The following SLC24A2 variants were observed in gnomAD, a reference collection of about 807,000 sequenced individuals.
SLC24A2 encodes the protein solute carrier family 24 member 2, also known as sodium/potassium/calcium exchanger 2.
In SLC24A2, 36 loss-of-function variants were observed where a neutral mutation model predicts 62.0. The observed-to-expected ratio is 0.58, with a 90% CI of 0.44 to 0.77. The LOEUF (loss-of-function observed/expected upper bound fraction) is 0.77, where lower values mean the gene tolerates loss of function less well. Ranked by LOEUF, SLC24A2 falls within the 30% of genes least tolerant of loss-of-function variation. The probability of loss-of-function intolerance (pLI) is 0.00; values close to 1 mark genes in which losing one functional copy is unlikely to be tolerated. For missense variants in SLC24A2, 846 were observed against 817.9 expected, an observed-to-expected ratio of 1.03 and a Z score of -0.42; for synonymous variants, 358 against 294.0, an observed-to-expected ratio of 1.22 and a Z score of -2.23.
At chr9:19,554,574 GA>G (rs1834991001) in intron 7 of SLC24A2, among the ~76,000 whole-genome samples, 1 of 152,168 alleles carries the variant, frequency 6.6e-6, no homozygotes, top group African/African-American at 2.4e-5. Flanking sequence ...CCTAGGCTTG[GA>G]ATAAAGACTC....
At chr9:20,263,548 C>T in the SLC24A2 span, among the ~76,000 whole-genome samples, 1 of 152,178 alleles carries the variant, frequency 6.6e-6, no homozygotes, top group Non-Finnish European at 1.5e-5. Flanking sequence ...CTGCATCCAT[C>T]AGAGAAGGAT....
chr9:19,544,384 A>C (rs770219863), intron 8 of SLC24A2, among the ~76,000 whole-genome samples: 1 of 151,780 alleles, frequency 6.6e-6, no homozygotes, highest in Non-Finnish European at 1.5e-5. Context: ...CGCTTATCCA[A>C]TTTGCCAGTC....
chr9:19,735,781 T>G (rs574530007), intron 2 of SLC24A2, among the ~76,000 whole-genome samples: 1 of 151,668 alleles, frequency 6.6e-6, no homozygotes, highest in Admixed American at 6.6e-5. Context: ...CACCGCATGT[T>G]CTCATTCATA....
chr9:19,630,341 T>C (rs1388104881), intron 2 of SLC24A2, among the ~76,000 whole-genome samples: 2 of 152,186 alleles, frequency 1.3e-5, no homozygotes, highest in African/African-American at 4.8e-5. Context: ...TAAAATGCAT[T>C]TTAAAACTGA....
chr9:20,144,920 G>A, the SLC24A2 span, among the ~76,000 whole-genome samples: 1 of 152,020 alleles, frequency 6.6e-6, no homozygotes, highest in African/African-American at 2.4e-5. Context: ...GGCTTGAAGA[G>A]GCCTCAAGCA....
chr9:20,123,577 C>T, the SLC24A2 span, among the ~76,000 whole-genome samples: 1 of 152,140 alleles, frequency 6.6e-6, no homozygotes, highest in Admixed American at 6.6e-5. Flanking sequence ...TGAAAAAATA[C>T]TGAACTTTTA....
chr9:19,905,884 T>C, the SLC24A2 span, among the ~76,000 whole-genome samples: 1 of 152,146 alleles, frequency 6.6e-6, no homozygotes, highest in Non-Finnish European at 1.5e-5. Context: ...CTCAAGAGAA[T>C]TTAACATCCC....
chr9:19,989,670 A>G, the SLC24A2 span, among the ~76,000 whole-genome samples: 1 of 152,214 alleles, frequency 6.6e-6, no homozygotes, highest in Admixed American at 6.5e-5. Context: ...TCAACTAAGA[A>G]GAACTTTCCC....
intron 2 of SLC24A2, among the ~76,000 whole-genome samples, chr9:19,649,514 CAA>C (rs963019513): frequency 3.9e-5 from 6 of 152,102 alleles, no homozygotes; most frequent in African/African-American, 1.4e-4. Flanking sequence ...GTTTAGACCT[CAA>C]TGTGGATTTT....
At chr9:20,086,490 C>T in the SLC24A2 span, among the ~76,000 whole-genome samples, 6 of 152,150 alleles carry the variant, frequency 3.9e-5, no homozygotes, top group Non-Finnish European at 8.8e-5. Flanking sequence ...GTTATAGTGG[C>T]CTTTGCTGTG....
chr9:19,952,178 G>T, the SLC24A2 span, among the ~76,000 whole-genome samples: 1,358 of 152,082 alleles, frequency 8.9e-3, 23 homozygotes, highest in African/African-American at 0.032. Context: ...GTTGTATCCT[G>T]TATCCTTACC....
At chr9:19,576,818 GGT>G (rs3085594) in intron 6 of SLC24A2, 104 bp downstream of exon 6, 760,538 of 827,454 alleles carry the variant, frequency 0.92, 350,207 homozygotes, top group East Asian at 1. Flanking sequence ...GTGCTGCAGC[GGT>G]GTGTGTGTCT....
At chr9:19,812,661 C>T in the SLC24A2 span, among the ~76,000 whole-genome samples, 2 of 152,038 alleles carry the variant, frequency 1.3e-5, no homozygotes, top group African/African-American at 4.8e-5. Context: ...TAATTTTTCT[C>T]TTAATTTTGT....
the SLC24A2 span, among the ~76,000 whole-genome samples, chr9:19,896,893 G>C: frequency 6.6e-6 from 1 of 152,160 alleles, no homozygotes; most frequent in Non-Finnish European, 1.5e-5. Flanking sequence ...TGTTATGCAT[G>C]TCATGTTATG....
intron 5 of SLC24A2, among the ~76,000 whole-genome samples, chr9:19,587,076 T>C: frequency 6.6e-6 from 1 of 152,168 alleles, no homozygotes; most frequent in Middle Eastern, 3.2e-3. Flanking sequence ...TCTTCAGAGT[T>C]GTTTTGTCAA....
the SLC24A2 span, among the ~76,000 whole-genome samples, chr9:19,992,971 G>C: frequency 6.6e-5 from 10 of 152,264 alleles, no homozygotes; most frequent in African/African-American, 2.2e-4. Flanking sequence ...TCAGTCAGTG[G>C]TAGCCAACAA....
chr9:19,530,200 T>C (rs1237948565), intron 8 of SLC24A2, among the ~76,000 whole-genome samples: 9 of 151,878 alleles, frequency 5.9e-5, no homozygotes, highest in Admixed American at 5.3e-4. Context: ...CCCATCCTTT[T>C]CATCTGGTCA....
chr9:19,887,291 G>T, the SLC24A2 span, among the ~76,000 whole-genome samples: 1 of 152,270 alleles, frequency 6.6e-6, no homozygotes, highest in African/African-American at 2.4e-5. Context: ...GTTCCTTGTA[G>T]ATTCTGGATA....
chr9:19,570,522 C>T lies in SLC24A2; in HGVS notation c.1347+2829G>A, dbSNP rs529230602. Among the ~76,000 whole-genome samples the T allele has an allele frequency of 5.9e-5, 9 of 152,308 alleles. No individual in the cohort carries two copies. The East Asian group carries it at 7.7e-4, about 13-fold the overall frequency. ...CACAAACGTTCACTCATTATTTATA[C>T]CCTGAATACTCCCCAAATATTATAT... On this transcript the variant is annotated intron_variant, in intron 7 of 10. Coordinates refer to ENST00000341998, the MANE Select transcript of SLC24A2 (RefSeq NM_020344.4).
Sources: allele counts gnomAD v4.1 joint callset (sites outside exome capture counted in the v4.1 genomes callset), GRCh38; gene constraint gnomAD v4.1.1; transcripts MANE v1.5; gene names NCBI Gene and HGNC (gene_info 2026-07-23, HGNC 2026-07-21).